TTC7A: variants seen among roughly 807,000 people sequenced by gnomAD.
TTC7A encodes the protein tetratricopeptide repeat protein 7A.
TTC7A carries 110 observed loss-of-function variants against 103.7 expected under a neutral mutation model. The observed-to-expected ratio is 1.06, with a 90% CI of 0.91 to 1.24. TTC7A has a LOEUF of 1.24. Ranked by LOEUF, TTC7A falls within the 50% of genes most tolerant of loss-of-function variation. The pLI is 0.00. For synonymous variants in TTC7A, 521 were observed against 467.9 expected, an observed-to-expected ratio of 1.11 and a Z score of -1.47; for missense variants, 1,340 against 1,116.3, an observed-to-expected ratio of 1.20 and a Z score of -2.86.
At chr2:46,943,330 A>G (rs1415185811) in intron 1 of TTC7A, among the ~76,000 whole-genome samples, 1 of 152,176 alleles carries the variant, frequency 6.6e-6, no homozygotes, top group African/African-American at 2.4e-5. Flanking sequence ...TAAAGCCTGT[A>G]CTCAAGCCTG....
At chr2:47,051,585 C>G (rs963473605) in intron 17 of TTC7A, among the ~76,000 whole-genome samples, 161 bp from the exon 18 acceptor site, 1 of 152,196 alleles carries the variant, frequency 6.6e-6, no homozygotes, top group African/African-American at 2.4e-5. Flanking sequence ...AGTGGGCCCT[C>G]CCTAGTGGGT....
At chr2:47,008,343 C>T (rs560052636) in intron 10 of TTC7A, among the ~76,000 whole-genome samples, 1 of 152,320 alleles carries the variant, frequency 6.6e-6, no homozygotes, top group Admixed American at 6.5e-5. Flanking sequence ...CCGAGAGAGG[C>T]TCCTAGACGC....
intron 6 of TTC7A, among the ~76,000 whole-genome samples, 199 bp downstream of exon 6, chr2:46,993,727 G>A (rs551741734): frequency 6.6e-6 from 1 of 152,296 alleles, no homozygotes; most frequent in East Asian, 1.9e-4. Flanking sequence ...CGGCATTGCA[G>A]ATAGTCCCTC....
intron 3 of TTC7A, among the ~76,000 whole-genome samples, chr2:46,965,017 G>A (rs11125106): frequency 0.53 from 80,515 of 152,064 alleles, 22,970 homozygotes; most frequent in East Asian, 0.65. Context: ...TGCCCTGACC[G>A]TGGTGCACAT....
chr2:47,000,637 G>A (rs1676711840), intron 8 of TTC7A, among the ~76,000 whole-genome samples: 1 of 152,186 alleles, frequency 6.6e-6, no homozygotes, highest in South Asian at 2.1e-4. Flanking sequence ...GGGGACGACA[G>A]CACAGGGGGA....
At chr2:46,933,405 A>T (rs1444898258) in intron 2 of TTC7A, among the ~76,000 whole-genome samples, 6 of 152,246 alleles carry the variant, frequency 3.9e-5, no homozygotes, top group African/African-American at 1.4e-4. Flanking sequence ...CTGAGTGTCT[A>T]CTATGTGCAA....
At chr2:47,037,387 A>T (rs1013064056) in intron 15 of TTC7A, among the ~76,000 whole-genome samples, 1 of 152,240 alleles carries the variant, frequency 6.6e-6, no homozygotes, top group South Asian at 2.1e-4. Context: ...GAAGAGAACC[A>T]TGCGGGGATT....
At chr2:46,938,763 C>G (rs1416930217), upstream of TTC7A, among the ~76,000 whole-genome samples, 1 of 152,068 alleles carries the variant, frequency 6.6e-6, no homozygotes, top group African/African-American at 2.4e-5. Flanking sequence ...CCTGTAATCC[C>G]AGCACTTTGG....
upstream of TTC7A, among the ~76,000 whole-genome samples, chr2:46,941,022 T>G (rs1670287650): frequency 6.7e-6 from 1 of 150,300 alleles, no homozygotes; most frequent in Admixed American, 6.6e-5. The surrounding 1 kb of genome is among the most constrained non-coding windows in gnomAD (Gnocchi z 4.2). Flanking sequence ...GGGATTAAAG[T>G]GAGCTCCGAC....
chr2:47,036,549 A>T (rs1681124335), intron 15 of TTC7A, among the ~76,000 whole-genome samples: 1 of 152,154 alleles, frequency 6.6e-6, no homozygotes, highest in Non-Finnish European at 1.5e-5. Flanking sequence ...TCCCCCTTTC[A>T]GGGAGGGTAA....
chr2:46,985,295 G>A (rs903096409), intron 5 of TTC7A, among the ~76,000 whole-genome samples: 5 of 152,072 alleles, frequency 3.3e-5, no homozygotes, highest in African/African-American at 1.2e-4. Flanking sequence ...TAGAAATTGA[G>A]TCATCATTTC....
In TTC7A at chr2:46,975,108, G is replaced by A; in HGVS notation, c.648+5G>A. 6.2e-7 allele frequency: 1 copy of A among 1,613,354 alleles called. No individual in the cohort carries two copies. Among genetic ancestry groups the A allele is most frequent in the African/African-American group, 1.3e-5 (1 of 75,028 alleles). On this transcript the variant is annotated splice_donor_5th_base_variant and intron_variant, in intron 4 of 19. Transcript: ENST00000319190. ...TTCCTGCAGGAATTGGAGAAGGTGA[G>A]CTGGAAATAACACCGTGGTAGGAGC...
At chr2:46,966,504 A>C (rs982041035) in intron 3 of TTC7A, among the ~76,000 whole-genome samples, 1 of 152,046 alleles carries the variant, frequency 6.6e-6, no homozygotes, top group Non-Finnish European at 1.5e-5. Context: ...ATACACCTCT[A>C]TGTCACTGTA....
intron 19 of TTC7A, among the ~76,000 whole-genome samples, chr2:47,063,300 G>C (rs1329913671): frequency 6.6e-6 from 1 of 152,268 alleles, no homozygotes; most frequent in Non-Finnish European, 1.5e-5. Context: ...GCATGTGAAA[G>C]TGTAAATATG....
intron 5 of TTC7A, among the ~76,000 whole-genome samples, chr2:46,979,682 C>T (rs915856435): frequency 4.6e-5 from 7 of 152,088 alleles, no homozygotes; most frequent in African/African-American, 7.2e-5. Context: ...ATGAGGAGTG[C>T]GTATTGGCAG....
At chr2:46,958,055 G>A (rs1014214922) in intron 3 of TTC7A, among the ~76,000 whole-genome samples, 1 of 152,186 alleles carries the variant, frequency 6.6e-6, no homozygotes, top group Non-Finnish European at 1.5e-5. Flanking sequence ...TCTGGCCTTG[G>A]AGTGTGAGTC....
chr2:46,927,884 GTTTTTTTTTT>G (rs566447236), intron 2 of TTC7A, among the ~76,000 whole-genome samples: 2 of 73,306 alleles, frequency 2.7e-5, no homozygotes, highest in South Asian at 4.6e-4. Context: ...TTTTTTTGGT[GTTTTTTTTTT>G]TTTTTTTTTT....
chr2:46,994,813 G>T (rs1388661083), intron 7 of TTC7A, among the ~76,000 whole-genome samples: 3 of 152,172 alleles, frequency 2.0e-5, no homozygotes, highest in African/African-American at 7.2e-5. Flanking sequence ...TTCATCGAAG[G>T]TGCGGTCTGT....
intron 5 of TTC7A, among the ~76,000 whole-genome samples, chr2:46,988,109 G>C (rs4953439): frequency 0.8 from 121,582 of 152,050 alleles, 49,208 homozygotes; most frequent in African/African-American, 0.92. Context: ...CTTTGGGGCA[G>C]AGGGTAACCT....
Sources: allele counts gnomAD v4.1 joint callset (sites outside exome capture counted in the v4.1 genomes callset), GRCh38; gene constraint gnomAD v4.1.1; non-coding constraint Gnocchi (gnomAD v3.1); transcripts MANE v1.5; gene names NCBI Gene and HGNC (gene_info 2026-07-23, HGNC 2026-07-21).